The following CHSY3 variants were observed in gnomAD, a reference collection of about 807,000 sequenced individuals.
CHSY3 encodes N-acetylgalactosaminyl-proteoglycan 3-beta-glucuronosyltransferase 3.
A neutral mutation model predicts 67.2 loss-of-function variants in CHSY3; 35 were observed. That is an observed-to-expected ratio of 0.52 (90% CI 0.40 to 0.69). CHSY3 has a LOEUF of 0.69. Among genes scored for constraint, CHSY3 ranks in the 30% least tolerant of loss-of-function variants. CHSY3 has a pLI of 0.00. For missense variants in CHSY3, 1,069 were observed against 1,138.5 expected (o/e 0.94, Z 0.88); for synonymous variants, 474 against 434.7 (o/e 1.09, Z -1.12).
At chr5:130,020,452 TA>T (rs1288496726) in intron 2 of CHSY3, among the ~76,000 whole-genome samples, 33 of 3,062 alleles carry the variant, frequency 0.011, no homozygotes, top group African/African-American at 0.021. Context: ...TATATATATA[TA>T]TATATATATT....
chr5:130,015,691 G>A (rs1764200087), intron 2 of CHSY3, among the ~76,000 whole-genome samples: 1 of 152,124 alleles, frequency 6.6e-6, no homozygotes, highest in Admixed American at 6.6e-5. Flanking sequence ...ATTCTTGAAA[G>A]ATCTTAGAAC....
intron 2 of CHSY3, among the ~76,000 whole-genome samples, chr5:129,996,120 G>T (rs1483494043): frequency 1.3e-5 from 2 of 152,070 alleles, no homozygotes; most frequent in African/African-American, 2.4e-5. Context: ...TTAAAAATGG[G>T]GTAATAATAC....
chr5:129,921,295 C>A (rs1200439542), intron 2 of CHSY3, among the ~76,000 whole-genome samples: 1 of 152,080 alleles, frequency 6.6e-6, no homozygotes, highest in East Asian at 1.9e-4. Flanking sequence ...CATTATGATA[C>A]CTTGAGCACA....
intron 2 of CHSY3, among the ~76,000 whole-genome samples, chr5:129,933,336 T>C (rs1056529623): frequency 1.3e-5 from 2 of 152,172 alleles, no homozygotes; most frequent in Non-Finnish European, 2.9e-5. Flanking sequence ...CATCAGGTTG[T>C]CAGGCTTAGT....
chr5:129,992,905 A>G (rs771016225), intron 2 of CHSY3, among the ~76,000 whole-genome samples: 3 of 152,150 alleles, frequency 2.0e-5, no homozygotes, highest in African/African-American at 2.4e-5. Flanking sequence ...ATTCTCACAC[A>G]TATCTATTAT....
chr5:130,040,674 G>A (rs1344726749), intron 2 of CHSY3, among the ~76,000 whole-genome samples: 1 of 152,062 alleles, frequency 6.6e-6, no homozygotes, highest in African/African-American at 2.4e-5. Flanking sequence ...GAAACTTCAT[G>A]GGCACTCAAA....
At chr5:130,128,594 A>G (rs1043860531) in intron 2 of CHSY3, among the ~76,000 whole-genome samples, 1 of 152,156 alleles carries the variant, frequency 6.6e-6, no homozygotes, top group Non-Finnish European at 1.5e-5. Flanking sequence ...TATGCAGCTT[A>G]GTGCCTATAG....
At chr5:130,041,589 G>C (rs1765008225) in intron 2 of CHSY3, among the ~76,000 whole-genome samples, 2 of 151,980 alleles carry the variant, frequency 1.3e-5, no homozygotes, top group Admixed American at 1.3e-4. Flanking sequence ...TTCTCTAAAA[G>C]GGTATCCCAA....
intron 2 of CHSY3, among the ~76,000 whole-genome samples, chr5:129,926,940 T>TTAA (rs1761135279): frequency 6.6e-6 from 1 of 151,964 alleles, no homozygotes; most frequent in South Asian, 2.1e-4. Context: ...GATCTGTTGT[T>TTAA]TTATTTAAAG....
At chr5:130,063,781 T>C (rs1423104855) in intron 2 of CHSY3, among the ~76,000 whole-genome samples, 3 of 152,126 alleles carry the variant, frequency 2.0e-5, no homozygotes, top group African/African-American at 4.8e-5. Flanking sequence ...TGGCAGAAGA[T>C]GGAAGGGCAA....
chr5:130,083,724 G>C (rs1390605564), intron 2 of CHSY3, among the ~76,000 whole-genome samples: 3 of 151,936 alleles, frequency 2.0e-5, no homozygotes, highest in African/African-American at 2.4e-5. Context: ...GTGAATTCTT[G>C]ACATACAGTG....
intron 2 of CHSY3, among the ~76,000 whole-genome samples, chr5:129,999,836 T>G (rs545774343): frequency 6.6e-6 from 1 of 152,228 alleles, no homozygotes; most frequent in East Asian, 1.9e-4. Flanking sequence ...CAAGATAATG[T>G]GACAAAATAA....
intron 2 of CHSY3, among the ~76,000 whole-genome samples, chr5:130,112,556 A>G (rs1408522138): frequency 6.6e-6 from 1 of 152,056 alleles, no homozygotes; most frequent in Admixed American, 6.6e-5. Context: ...ATTTTACTGT[A>G]TTGTCCAGCT....
chr5:130,025,115 G>T (rs567629094), intron 2 of CHSY3, among the ~76,000 whole-genome samples: 2 of 115,928 alleles, frequency 1.7e-5, no homozygotes, highest in South Asian at 2.7e-4. Flanking sequence ...TTTCAGTGTT[G>T]TATTAGGGTC....
intron 2 of CHSY3, among the ~76,000 whole-genome samples, chr5:129,983,626 A>C (rs1027968553): frequency 6.6e-6 from 1 of 152,070 alleles, no homozygotes; most frequent in African/African-American, 2.4e-5. Context: ...CACCAACTAC[A>C]TGGCAAGAGA....
chr5:130,007,447 A>G (rs1763906727), intron 2 of CHSY3, among the ~76,000 whole-genome samples: 1 of 152,036 alleles, frequency 6.6e-6, no homozygotes, highest in Non-Finnish European at 1.5e-5. Flanking sequence ...CCTGGGTTGA[A>G]GGGGGAGGGA....
intron 2 of CHSY3, among the ~76,000 whole-genome samples, chr5:130,143,800 ATATATGTG>A (rs1264421600): frequency 2.5e-5 from 2 of 79,394 alleles, no homozygotes; most frequent in African/African-American, 6.6e-5. Context: ...ATATATATAT[ATATATGTG>A]TGTATATATA....
chr5:130,174,745 A>G (rs1261366206), intron 2 of CHSY3, among the ~76,000 whole-genome samples: 1 of 152,184 alleles, frequency 6.6e-6, no homozygotes, highest in African/African-American at 2.4e-5. Flanking sequence ...TTTAACACTA[A>G]CAGCCACCCT....
intron 2 of CHSY3, among the ~76,000 whole-genome samples, chr5:130,057,926 C>G (rs1490456758): frequency 6.7e-6 from 1 of 149,850 alleles, no homozygotes; most frequent in African/African-American, 2.5e-5. Flanking sequence ...GAGAGAGAGA[C>G]AGAGAGATAC....
Sources: allele counts gnomAD v4.1 joint callset (sites outside exome capture counted in the v4.1 genomes callset), GRCh38; gene constraint gnomAD v4.1.1; transcripts MANE v1.5; gene names NCBI Gene and HGNC (gene_info 2026-07-23, HGNC 2026-07-21).